PRDM6: variants seen among roughly 807,000 people sequenced by gnomAD.
PRDM6 encodes putative histone-lysine N-methyltransferase PRDM6.
PRDM6 carries 25 observed loss-of-function variants against 60.8 expected under a neutral mutation model. The observed-to-expected ratio is 0.41, with a 90% CI of 0.30 to 0.57. The LOEUF (loss-of-function observed/expected upper bound fraction) is 0.57, where lower values mean the gene tolerates loss of function less well. PRDM6 is among the 20% of genes least tolerant of loss of function. The probability of loss-of-function intolerance (pLI) is 0.27; values close to 1 mark genes in which losing one functional copy is unlikely to be tolerated. For missense variants in PRDM6, 839 were observed against 821.3 expected, an observed-to-expected ratio of 1.02 and a Z score of -0.26; for synonymous variants, 407 against 357.4, an observed-to-expected ratio of 1.14 and a Z score of -1.57.
At chr5:123,123,182 A>G (rs1764617996) in intron 3 of PRDM6, among the ~76,000 whole-genome samples, 1 of 152,182 alleles carries the variant, frequency 6.6e-6, no homozygotes. Flanking sequence ...CCTTGTCTAT[A>G]TTCGCTACTT....
rs1763777894 is a variant in PRDM6 at position 123,090,105 on chromosome 5, G to A, written c.91G>A (p.Gly31Ser). 6.5e-7 allele frequency: 1 copy of A among 1,544,980 alleles called. No homozygotes were observed. Among genetic ancestry groups the A allele is most frequent in the Non-Finnish European group, 8.7e-7 (1 of 1,144,670 alleles). The change falls in exon 2 of 8, where the codon GGC becomes AGC. Residue 31 changes from glycine (G) to serine (S), a missense_variant. This residue lies in a region of PRDM6 where 730 missense variants were observed against 648.8 expected (regional missense o/e 1.13). Transcript: ENST00000407847. ...QHWQQLFPHG[G>S]AGPLKGSGAA... The stretch of plus-strand genomic sequence containing the variant: ...CTGGCAGCAACTCTTCCCTCACGGA[G>A]GCGCAGGCCCGCTCAAGGGCAGCGG...
intron 3 of PRDM6, among the ~76,000 whole-genome samples, chr5:123,148,527 C>T (rs767392549): frequency 2.7e-5 from 4 of 150,754 alleles, no homozygotes; most frequent in African/African-American, 4.9e-5. Flanking sequence ...ATAATATGGG[C>T]ACACTAGTCG....
At chr5:123,124,744 A>T (rs923662352) in intron 3 of PRDM6, among the ~76,000 whole-genome samples, 1 of 152,190 alleles carries the variant, frequency 6.6e-6, no homozygotes, top group South Asian at 2.1e-4. Flanking sequence ...AGAAGTCTGG[A>T]AAGTTGGACG....
chr5:123,140,126 C>T (rs764131269), intron 3 of PRDM6, among the ~76,000 whole-genome samples: 8 of 151,924 alleles, frequency 5.3e-5, no homozygotes, highest in Non-Finnish European at 8.8e-5. Flanking sequence ...ATAATAATAT[C>T]ATAATTACCG....
At chr5:123,098,293 C>T (rs1764005689) in intron 2 of PRDM6, among the ~76,000 whole-genome samples, 1 of 152,234 alleles carries the variant, frequency 6.6e-6, no homozygotes, top group Admixed American at 6.5e-5. Flanking sequence ...AGGCGGGACT[C>T]GCCAGGTGTC....
chr5:123,189,204 T>C lies in PRDM6; in HGVS notation c.*2003T>C, dbSNP rs1197156342. On this transcript the variant is annotated 3_prime_UTR_variant, in exon 8 of 8. Transcript: ENST00000407847. ...AATGTGCGTCACTGGGAAGTGTGAATGAAATGTAGCCATATTAACCTGAAA... is the reference window on the plus strand; with the variant it reads ...AATGTGCGTCACTGGGAAGTGTGAACGAAATGTAGCCATATTAACCTGAAA... The C allele has an allele frequency of 6.6e-6, 1 of 152,224 alleles. No individual in the cohort carries two copies. Among genetic ancestry groups the C allele is most frequent in the Non-Finnish European group, 1.5e-5 (1 of 68,044 alleles). 9.4% of individuals were successfully genotyped at this position (152,224 alleles called of 1,614,324 possible). A position where few individuals can be genotyped will look rare whatever the true frequency, so the allele number is the denominator to read the frequency against.
At chr5:123,181,337 A>G (rs996652887) in intron 7 of PRDM6, among the ~76,000 whole-genome samples, 3 of 152,242 alleles carry the variant, frequency 2.0e-5, no homozygotes, top group African/African-American at 4.8e-5. Flanking sequence ...ACAGTAGCAC[A>G]GAAATGGAGT....
At chr5:123,128,763 T>G (rs554194713) in intron 3 of PRDM6, among the ~76,000 whole-genome samples, 81 of 152,346 alleles carry the variant, frequency 5.3e-4, no homozygotes, top group Non-Finnish European at 9.8e-4. Flanking sequence ...AGAAGCTCTT[T>G]AGTTTAATTA....
intron 3 of PRDM6, among the ~76,000 whole-genome samples, chr5:123,117,755 GAAGGC>G (rs1764489858): frequency 8.0e-6 from 1 of 125,284 alleles, no homozygotes; most frequent in South Asian, 2.6e-4. Flanking sequence ...GGATGAATGT[GAAGGC>G]CTAAACAGCA....
At chr5:123,138,066 T>C (rs773156287) in intron 3 of PRDM6, among the ~76,000 whole-genome samples, 2 of 152,204 alleles carry the variant, frequency 1.3e-5, no homozygotes, top group Non-Finnish European at 2.9e-5. Context: ...GCCAGGATTA[T>C]GTGACAGCCC....
intron 3 of PRDM6, among the ~76,000 whole-genome samples, chr5:123,131,053 T>C (rs1410280116): frequency 2.0e-5 from 3 of 152,234 alleles, no homozygotes; most frequent in Admixed American, 6.5e-5. Context: ...TAGCACACAG[T>C]ATTGTCTGCT....
intron 3 of PRDM6, among the ~76,000 whole-genome samples, chr5:123,144,848 G>A (rs1030634203): frequency 3.9e-5 from 6 of 152,182 alleles, no homozygotes; most frequent in Non-Finnish European, 8.8e-5. Flanking sequence ...TCACAGAGCA[G>A]AGAGACATGG....
chr5:123,110,903 C>G (rs1201987778), intron 3 of PRDM6, among the ~76,000 whole-genome samples: 1 of 152,044 alleles, frequency 6.6e-6, no homozygotes, highest in Non-Finnish European at 1.5e-5. Context: ...GGGTGATACT[C>G]AAACTATGTC....
intron 3 of PRDM6, among the ~76,000 whole-genome samples, chr5:123,102,295 G>T (rs1276418893): frequency 1.3e-5 from 2 of 152,066 alleles, no homozygotes; most frequent in Admixed American, 1.3e-4. Context: ...TTAGCATAAT[G>T]ATTTTTAAGA....
chr5:123,154,308 G>A (rs995366535), intron 3 of PRDM6, among the ~76,000 whole-genome samples: 1 of 152,080 alleles, frequency 6.6e-6, no homozygotes, highest in Non-Finnish European at 1.5e-5. Flanking sequence ...GAAATTTAAA[G>A]AAGTCATTAG....
At chr5:123,156,132 A>ATTTT in intron 4 of PRDM6, 121 bp downstream of exon 4, 1 of 775,506 alleles carries the variant, frequency 1.3e-6, no homozygotes, top group Non-Finnish European at 1.9e-6. Flanking sequence ...ACTGGCAGAC[A>ATTTT]TTTTTTTTTT....
chr5:123,180,081 T>C, intron 6 of PRDM6, 66 bp from the exon 7 acceptor site: 2 of 1,430,690 alleles, frequency 1.4e-6, no homozygotes, highest in African/African-American at 1.4e-5. Flanking sequence ...CCCCTTGTCA[T>C]ATGATTCTGA....
chr5:123,103,263 G>A (rs1272841473), intron 3 of PRDM6, among the ~76,000 whole-genome samples: 1 of 151,666 alleles, frequency 6.6e-6, no homozygotes, highest in Non-Finnish European at 1.5e-5. Context: ...AAGATTACAA[G>A]CTAAAAGCCA....
chr5:123,172,891 T>C (rs1765925204), intron 6 of PRDM6, among the ~76,000 whole-genome samples: 1 of 152,176 alleles, frequency 6.6e-6, no homozygotes, highest in African/African-American at 2.4e-5. Context: ...CAGTTACGCT[T>C]AGAAAATCAT....
Sources: allele counts gnomAD v4.1 joint callset (sites outside exome capture counted in the v4.1 genomes callset), GRCh38; gene constraint gnomAD v4.1.1; regional missense constraint gnomAD v4.1.1; transcripts MANE v1.5; gene names NCBI Gene and HGNC (gene_info 2026-07-23, HGNC 2026-07-21).